RGPD2: variants seen among roughly 807,000 people sequenced by gnomAD.
RGPD2 encodes RANBP2-like and GRIP domain-containing protein 2.
Under a neutral mutation model 36.0 loss-of-function variants are expected in RGPD2, and 2 were observed. That is an observed-to-expected ratio of 0.06 (90% CI 0.02 to 0.17). The LOEUF (loss-of-function observed/expected upper bound fraction) is 0.17. RGPD2 is among the 10% of genes least tolerant of loss of function. The pLI is 1.00. For missense variants in RGPD2, 40 were observed against 464.3 expected (o/e 0.09, Z 8.40); for synonymous variants, 19 against 163.8 (o/e 0.12, Z 6.75).
the RGPD2 span, among the ~76,000 whole-genome samples, chr2:87,914,607 T>C: frequency 1.1e-5 from 1 of 89,304 alleles, no homozygotes; most frequent in Non-Finnish European, 2.1e-5. Context: ...AGTATGAACA[T>C]ATATGTATAC....
chr2:87,962,024 T>C, the RGPD2 span, among the ~76,000 whole-genome samples: 1 of 63,176 alleles, frequency 1.6e-5, no homozygotes, highest in Non-Finnish European at 2.9e-5. Context: ...GAGACACTTG[T>C]CTCAAAAAAA....
At chr2:87,934,709 T>C in the RGPD2 span, among the ~76,000 whole-genome samples, 234 of 149,428 alleles carry the variant, frequency 1.6e-3, 1 homozygote, top group Non-Finnish European at 2.3e-3. Flanking sequence ...AAAATGGTTT[T>C]ACGTATATTT....
the RGPD2 span, among the ~76,000 whole-genome samples, chr2:87,937,837 G>C: frequency 6.6e-6 from 1 of 151,954 alleles, no homozygotes; most frequent in Non-Finnish European, 1.5e-5. Context: ...AGGGCAAAGA[G>C]TATTTCAAGG....
intron 1 of RGPD2, among the ~76,000 whole-genome samples, chr2:87,824,223 T>C (rs1206667192): frequency 6.6e-6 from 1 of 151,232 alleles, no homozygotes; most frequent in African/African-American, 2.5e-5. Flanking sequence ...ATTTTCACCA[T>C]GTTGGTCAGG....
At chr2:87,973,642 C>T in the RGPD2 span, among the ~76,000 whole-genome samples, 3 of 136,258 alleles carry the variant, frequency 2.2e-5, no homozygotes, top group African/African-American at 5.3e-5. Flanking sequence ...GCTTTACCCC[C>T]GCAAGACATA....
chr2:87,915,569 C>CATATATGTGTGTGTATATACACAT, the RGPD2 span, among the ~76,000 whole-genome samples: 14 of 140,982 alleles, frequency 9.9e-5, 1 homozygote, highest in South Asian at 4.4e-4. Flanking sequence ...TATATATACA[C>CATATATGTGTGTGTATATACACAT]ATATATGTGT....
At chr2:87,921,332 G>A in the RGPD2 span, among the ~76,000 whole-genome samples, 1 of 152,098 alleles carries the variant, frequency 6.6e-6, no homozygotes, top group Non-Finnish European at 1.5e-5. Context: ...GCCGGTCCCT[G>A]GACATTATGA....
At chr2:87,869,073 C>T in the RGPD2 span, among the ~76,000 whole-genome samples, 4 of 152,118 alleles carry the variant, frequency 2.6e-5, no homozygotes, top group Non-Finnish European at 4.4e-5. Flanking sequence ...ACTTTATAAA[C>T]TCAAGTTTAA....
At chr2:87,824,382 A>T (rs868344066) in intron 1 of RGPD2, among the ~76,000 whole-genome samples, 1 of 152,072 alleles carries the variant, frequency 6.6e-6, no homozygotes, top group Non-Finnish European at 1.5e-5. Flanking sequence ...GATATGATAT[A>T]CAGACGCATC....
chr2:87,934,505 G>T, the RGPD2 span, among the ~76,000 whole-genome samples: 5 of 145,300 alleles, frequency 3.4e-5, no homozygotes, highest in African/African-American at 1.0e-4. Context: ...CGGTTACATG[G>T]TGCACCATTT....
the RGPD2 span, among the ~76,000 whole-genome samples, chr2:87,983,812 C>CA: frequency 1.3e-5 from 2 of 151,652 alleles, no homozygotes; most frequent in Non-Finnish European, 2.9e-5. Context: ...TGCAAACACT[C>CA]AGAGGCAGAA....
the RGPD2 span, among the ~76,000 whole-genome samples, chr2:87,886,873 G>T: frequency 6.6e-6 from 1 of 151,838 alleles, no homozygotes; most frequent in Non-Finnish European, 1.5e-5. Flanking sequence ...TTTTTCAAAT[G>T]AGAAACTACA....
chr2:87,927,737 T>G, the RGPD2 span, among the ~76,000 whole-genome samples: 1 of 151,526 alleles, frequency 6.6e-6, no homozygotes, highest in Admixed American at 6.6e-5. Context: ...AACCTACTTA[T>G]AGTTTAAAAG....
At chr2:87,984,243 G>T in the RGPD2 span, among the ~76,000 whole-genome samples, 1 of 152,198 alleles carries the variant, frequency 6.6e-6, no homozygotes, top group Non-Finnish European at 1.5e-5. Context: ...GCTTTTAAAT[G>T]ATGCTAGTAA....
At chr2:87,864,872 T>C in the RGPD2 span, among the ~76,000 whole-genome samples, 1 of 152,254 alleles carries the variant, frequency 6.6e-6, no homozygotes, top group African/African-American at 2.4e-5. Context: ...GTTAGATACA[T>C]GGTATACAAA....
the RGPD2 span, among the ~76,000 whole-genome samples, chr2:87,884,049 C>A: frequency 6.6e-6 from 1 of 152,020 alleles, no homozygotes; most frequent in Non-Finnish European, 1.5e-5. Flanking sequence ...TTTTAGGCAA[C>A]AACACGATTC....
intron 20 of RGPD2, among the ~76,000 whole-genome samples, chr2:87,777,808 TCCCG>T (rs1381989613): frequency 9.3e-6 from 1 of 107,944 alleles, no homozygotes; most frequent in Non-Finnish European, 2.0e-5. Context: ...GTGCATGCCA[TCCCG>T]CCCAGATAAT....
At chr2:87,885,554 T>C in the RGPD2 span, among the ~76,000 whole-genome samples, 6 of 150,692 alleles carry the variant, frequency 4.0e-5, no homozygotes, top group Admixed American at 2.0e-4. Flanking sequence ...GAGGATGAAG[T>C]AAAATTATCT....
chr2:87,922,137 C>CA, the RGPD2 span, among the ~76,000 whole-genome samples: 2 of 151,190 alleles, frequency 1.3e-5, no homozygotes, highest in East Asian at 1.9e-4. Flanking sequence ...ACTAAAAATG[C>CA]AAAAAATTAG....
Sources: allele counts gnomAD v4.1 joint callset (sites outside exome capture counted in the v4.1 genomes callset), GRCh38; gene constraint gnomAD v4.1.1; transcripts MANE v1.5; gene names NCBI Gene and HGNC (gene_info 2026-07-23, HGNC 2026-07-21).